SGCZ: variants seen among roughly 807,000 people sequenced by gnomAD.
SGCZ encodes sarcoglycan zeta.
A neutral mutation model predicts 41.3 loss-of-function variants in SGCZ; 40 were observed. The observed-to-expected ratio is 0.97, with a 90% CI of 0.75 to 1.26. The LOEUF (loss-of-function observed/expected upper bound fraction) is 1.26. Among genes scored for constraint, SGCZ ranks in the 50% most tolerant of loss-of-function variants. The pLI is 0.00. For missense variants in SGCZ, 552 were observed against 369.8 expected (o/e 1.49, Z -4.04); for synonymous variants, 206 against 137.5 (o/e 1.50, Z -3.49).
chr8:14,404,796 A>C (rs1799166806), intron 2 of SGCZ, among the ~76,000 whole-genome samples: 1 of 152,156 alleles, frequency 6.6e-6, no homozygotes, highest in East Asian at 1.9e-4. Context: ...GAAACCTGCA[A>C]ATTACATCGT....
chr8:14,704,814 A>G (rs1809278951), intron 1 of SGCZ, among the ~76,000 whole-genome samples: 1 of 152,006 alleles, frequency 6.6e-6, no homozygotes, highest in African/African-American at 2.4e-5. Context: ...AACAACAACA[A>G]CAAAACACTT....
chr8:14,906,993 T>C (rs779987499), intron 1 of SGCZ, among the ~76,000 whole-genome samples: 2 of 152,184 alleles, frequency 1.3e-5, no homozygotes, highest in African/African-American at 2.4e-5. Flanking sequence ...TCAATAACCT[T>C]AAATCATATC....
intron 5 of SGCZ, among the ~76,000 whole-genome samples, chr8:14,145,414 TAGATCAC>T (rs1803491077): frequency 6.6e-6 from 1 of 152,288 alleles, no homozygotes; most frequent in Admixed American, 6.5e-5. Context: ...AGATACAGGT[TAGATCAC>T]AACACCCAAG....
chr8:14,432,942 A>AGCTTACTC (rs71209047), intron 2 of SGCZ, among the ~76,000 whole-genome samples: 1 of 130,362 alleles, frequency 7.7e-6, no homozygotes, highest in African/African-American at 2.7e-5. Flanking sequence ...AAAAAAAAAA[A>AGCTTACTC]GCTTACTCAT....
intron 2 of SGCZ, among the ~76,000 whole-genome samples, chr8:14,507,950 T>A (rs1802357030): frequency 6.6e-6 from 1 of 152,122 alleles, no homozygotes; most frequent in Non-Finnish European, 1.5e-5. Context: ...TTTGTATTTT[T>A]AGTAGAGACG....
At chr8:14,782,844 C>A (rs1314439427) in intron 1 of SGCZ, among the ~76,000 whole-genome samples, 1 of 152,122 alleles carries the variant, frequency 6.6e-6, no homozygotes, top group Non-Finnish European at 1.5e-5. Flanking sequence ...AGAGTTATGC[C>A]ATTAATCAAA....
chr8:14,692,195 GATTA>G (rs1808821736), intron 1 of SGCZ, among the ~76,000 whole-genome samples: 2 of 151,854 alleles, frequency 1.3e-5, no homozygotes, highest in Non-Finnish European at 1.5e-5. Flanking sequence ...ATATAAAAAT[GATTA>G]ATTTTTAAGA....
chr8:14,299,547 AC>A (rs1294495879), intron 3 of SGCZ, among the ~76,000 whole-genome samples: 1 of 151,980 alleles, frequency 6.6e-6, no homozygotes, highest in African/African-American at 2.4e-5. Context: ...GCCAGTAAGC[AC>A]ATAAAAGAGT....
At chr8:14,137,803 A>G (rs1427399099) in intron 5 of SGCZ, among the ~76,000 whole-genome samples, 2 of 152,214 alleles carry the variant, frequency 1.3e-5, no homozygotes, top group African/African-American at 4.8e-5. Context: ...AGGCAGACCA[A>G]CATTGAAATT....
intron 2 of SGCZ, among the ~76,000 whole-genome samples, chr8:14,475,534 T>G (rs575471069): frequency 6.6e-6 from 1 of 152,312 alleles, no homozygotes; most frequent in African/African-American, 2.4e-5. Context: ...AGATTAAATT[T>G]TCATTGTTGG....
At chr8:14,407,815 C>A (rs920052168) in intron 2 of SGCZ, among the ~76,000 whole-genome samples, 1 of 152,104 alleles carries the variant, frequency 6.6e-6, no homozygotes, top group African/African-American at 2.4e-5. Context: ...AAATGATGAC[C>A]TTATTCATTC....
At chr8:14,607,014 G>A (rs1805771876) in intron 1 of SGCZ, among the ~76,000 whole-genome samples, 1 of 152,090 alleles carries the variant, frequency 6.6e-6, no homozygotes, top group African/African-American at 2.4e-5. Context: ...ATATAATCAG[G>A]CAGCATACTG....
intron 2 of SGCZ, among the ~76,000 whole-genome samples, chr8:14,468,197 G>C (rs1801105760): frequency 6.6e-6 from 1 of 151,928 alleles, no homozygotes; most frequent in Admixed American, 6.6e-5. Flanking sequence ...GATTTTGATT[G>C]AGTTCATCAG....
chr8:15,216,052 C>T (rs1476292924), intron 1 of SGCZ, among the ~76,000 whole-genome samples: 1 of 152,024 alleles, frequency 6.6e-6, no homozygotes, highest in Non-Finnish European at 1.5e-5. Flanking sequence ...TTCAGAAGAG[C>T]AGCATCCAGA....
intron 2 of SGCZ, among the ~76,000 whole-genome samples, chr8:14,332,954 A>T (rs1802390224): frequency 6.6e-6 from 1 of 150,800 alleles, no homozygotes; most frequent in African/African-American, 2.4e-5. Context: ...TATATATATA[A>T]AATGTTCACA....
At chr8:15,175,871 C>A (rs1044455761) in intron 1 of SGCZ, among the ~76,000 whole-genome samples, 11 of 152,022 alleles carry the variant, frequency 7.2e-5, no homozygotes, top group African/African-American at 2.7e-4. Flanking sequence ...AAAGAGTTAA[C>A]AAGGAGAAGA....
chr8:14,607,583 G>A (rs1304485218), intron 1 of SGCZ, among the ~76,000 whole-genome samples: 4 of 152,076 alleles, frequency 2.6e-5, no homozygotes, highest in Non-Finnish European at 5.9e-5. Context: ...CTTGAATGCT[G>A]CCCAAATTGA....
intron 2 of SGCZ, among the ~76,000 whole-genome samples, chr8:14,537,299 G>T (rs181901851): frequency 1.3e-5 from 2 of 151,920 alleles, no homozygotes; most frequent in African/African-American, 4.8e-5. Flanking sequence ...GTGGGGGGTC[G>T]TCTAGTGCAG....
intron 1 of SGCZ, among the ~76,000 whole-genome samples, chr8:14,854,357 A>G (rs1422107432): frequency 1.3e-5 from 2 of 151,966 alleles, no homozygotes; most frequent in African/African-American, 4.8e-5. Flanking sequence ...ATACATAGAC[A>G]TATCAAAAAT....
Sources: allele counts gnomAD v4.1 joint callset (sites outside exome capture counted in the v4.1 genomes callset), GRCh38; gene constraint gnomAD v4.1.1; transcripts MANE v1.5; gene names NCBI Gene and HGNC (gene_info 2026-07-23, HGNC 2026-07-21).